MAP4K3: variants seen among roughly 807,000 people sequenced by gnomAD.
MAP4K3 encodes the protein mitogen-activated protein kinase kinase kinase kinase 3, also known as MAPK/ERK kinase kinase kinase 3.
In MAP4K3, 94 loss-of-function variants were observed where a neutral mutation model predicts 143.5. That is an observed-to-expected ratio of 0.65 (90% CI 0.55 to 0.78). The LOEUF (loss-of-function observed/expected upper bound fraction) is 0.78, where lower values mean the gene tolerates loss of function less well. Ranked by LOEUF, MAP4K3 falls within the 30% of genes least tolerant of loss-of-function variation. The pLI, the probability that MAP4K3 is intolerant of heterozygous loss-of-function variation, is 0.00. For missense variants in MAP4K3, 1,077 were observed against 1,068.1 expected (o/e 1.01, Z -0.12); for synonymous variants, 416 against 347.2 (o/e 1.20, Z -2.20).
chr2:39,398,063 C>T (rs1457257445), intron 1 of MAP4K3, among the ~76,000 whole-genome samples: 2 of 152,096 alleles, frequency 1.3e-5, no homozygotes, highest in African/African-American at 4.8e-5. Context: ...GATATATATA[C>T]AGGGAATCCA....
At chr2:39,416,934 C>G (rs1280106183) in intron 1 of MAP4K3, among the ~76,000 whole-genome samples, 1 of 152,136 alleles carries the variant, frequency 6.6e-6, no homozygotes, top group African/African-American at 2.4e-5. Flanking sequence ...CCTCTATTTT[C>G]ATTTGTAAAA....
At chr2:39,376,111 A>C (rs556514707) in intron 2 of MAP4K3, among the ~76,000 whole-genome samples, 1 of 152,222 alleles carries the variant, frequency 6.6e-6, no homozygotes, top group Non-Finnish European at 1.5e-5. Context: ...TATGTTTAAC[A>C]CTTTAAGGAA....
At chr2:39,411,675 C>G (rs1363196005) in intron 1 of MAP4K3, among the ~76,000 whole-genome samples, 1 of 152,148 alleles carries the variant, frequency 6.6e-6, no homozygotes, top group Non-Finnish European at 1.5e-5. Flanking sequence ...CTAAGTGCAT[C>G]AAGTATCTGT....
chr2:39,375,810 T>C (rs1666202366), intron 2 of MAP4K3, among the ~76,000 whole-genome samples: 1 of 152,214 alleles, frequency 6.6e-6, no homozygotes, highest in African/African-American at 2.4e-5. Context: ...GATTTGCCTT[T>C]TCTGAACCTT....
In MAP4K3 at chr2:39,260,782, A is replaced by C; in HGVS notation, c.2137-5T>G. The C allele has an allele frequency of 6.3e-7, 1 of 1,595,188 alleles. No individual in the cohort carries two copies. The highest frequency in any genetic ancestry group is 8.6e-7 in the Non-Finnish European group (1 of 1,167,374). ...TGGTATAGGAAAATCTATGTGCTAG[A>C]GAAAGAAACAAAAATACATTAAACC... On this transcript the variant is annotated splice_region_variant and splice_polypyrimidine_tract_variant and intron_variant, in intron 28 of 33. Transcript: ENST00000263881.
intron 1 of MAP4K3, among the ~76,000 whole-genome samples, chr2:39,406,743 A>AG (rs1193316776): frequency 6.6e-6 from 1 of 152,160 alleles, no homozygotes; most frequent in Non-Finnish European, 1.5e-5. Flanking sequence ...TACTTCAATC[A>AG]GAAAAAAAAA....
chr2:39,329,340 C>T (rs2148519087), intron 8 of MAP4K3, among the ~76,000 whole-genome samples: 1 of 152,292 alleles, frequency 6.6e-6, no homozygotes, highest in South Asian at 2.1e-4. Flanking sequence ...GAAATATATA[C>T]ACATACCATC....
chr2:39,407,639 TTGG>T (rs1450168217), intron 1 of MAP4K3, among the ~76,000 whole-genome samples: 3 of 152,312 alleles, frequency 2.0e-5, no homozygotes, highest in African/African-American at 7.2e-5. Context: ...TGGCATGACC[TTGG>T]ATCACTGCAG....
At position 39,260,675 on chromosome 2, in the gene MAP4K3, C is replaced by T. The variant is rs778823426; in HGVS notation, c.2239G>A (p.Asp747Asn). The T allele has an allele frequency of 6.2e-7, 1 of 1,614,044 alleles. No individual in the cohort carries two copies. The highest frequency in any genetic ancestry group is 8.5e-7 in the Non-Finnish European group (1 of 1,179,924). ...LVCVGVSRGR[D>N]FNQVVRFETV... is the part of the protein sequence containing the mutation. The stretch of plus-strand genomic sequence containing the variant: ...TCAAATCGAACCACTTGGTTGAAGT[C>T]TCTACCTCTACTGACACCAACACAA... Residue 747 changes from aspartate (D) to asparagine (N), a missense_variant, in exon 29 of 34, where the codon GAC becomes AAC. Physicochemically the swap from Asp to Asn is conservative, Grantham distance 23 (BLOSUM62 1). Around this residue, in one of 2 missense-constraint regions of MAP4K3, gnomAD observed 864 missense variants for 801.2 expected, o/e 1.08. Transcript: ENST00000263881.
intron 1 of MAP4K3, among the ~76,000 whole-genome samples, chr2:39,413,281 A>G (rs936135937): frequency 1.3e-5 from 2 of 151,922 alleles, no homozygotes; most frequent in Non-Finnish European, 2.9e-5. Flanking sequence ...TGAGAAAACT[A>G]TAGTCCTAAG....
intron 23 of MAP4K3, among the ~76,000 whole-genome samples, chr2:39,279,831 C>T (rs1681436991): frequency 6.6e-6 from 1 of 152,054 alleles, no homozygotes; most frequent in Non-Finnish European, 1.5e-5. Flanking sequence ...CATGTGCCTC[C>T]AGTCCTAGCT....
At chr2:39,359,199 C>T (rs1422838901) in intron 2 of MAP4K3, among the ~76,000 whole-genome samples, 1 of 152,168 alleles carries the variant, frequency 6.6e-6, no homozygotes, top group Non-Finnish European at 1.5e-5. Context: ...AACAAAGGGA[C>T]TACAGGCCCC....
chr2:39,286,763 C>T (rs1681794005), intron 21 of MAP4K3, 89 bp downstream of exon 21: 1 of 581,382 alleles, frequency 1.7e-6, no homozygotes. Flanking sequence ...TATACTAGTG[C>T]TATAGTGTCA....
At chr2:39,309,144 GA>G in intron 14 of MAP4K3, among the ~76,000 whole-genome samples, 1 of 151,914 alleles carries the variant, frequency 6.6e-6, no homozygotes, top group Non-Finnish European at 1.5e-5. Context: ...TGTTTTTAAA[GA>G]CAAGGTCTCA....
chr2:39,401,596 T>C (rs948334330), intron 1 of MAP4K3, among the ~76,000 whole-genome samples: 6 of 152,020 alleles, frequency 3.9e-5, no homozygotes, highest in Admixed American at 3.9e-4. Flanking sequence ...GCTGAGGAGT[T>C]TGAGACCAGC....
chr2:39,329,646 C>T (rs755262221), intron 8 of MAP4K3, among the ~76,000 whole-genome samples: 1 of 152,114 alleles, frequency 6.6e-6, no homozygotes, highest in Non-Finnish European at 1.5e-5. Flanking sequence ...ACTATTGCCC[C>T]CCAATTCCCA....
chr2:39,412,828 G>A (rs1039719604), intron 1 of MAP4K3, among the ~76,000 whole-genome samples: 9 of 151,754 alleles, frequency 5.9e-5, no homozygotes, highest in Admixed American at 2.0e-4. Context: ...TAAATTACAT[G>A]TCCAAGATTA....
chr2:39,325,102 C>G (rs1683444158), intron 12 of MAP4K3, among the ~76,000 whole-genome samples: 1 of 152,090 alleles, frequency 6.6e-6, no homozygotes, highest in African/African-American at 2.4e-5. Flanking sequence ...CAGACATGAG[C>G]CACCAGGCCA....
intron 2 of MAP4K3, among the ~76,000 whole-genome samples, chr2:39,372,807 T>C (rs774577450): frequency 2.1e-4 from 32 of 152,098 alleles, no homozygotes; most frequent in Non-Finnish European, 8.8e-5. Flanking sequence ...ATTAAAGACA[T>C]AAATCTAAGA....
Sources: gnomAD v4.1 joint callset for allele counts (sites outside exome capture counted in the v4.1 genomes callset) on GRCh38, gnomAD v4.1.1 for gene constraint, gnomAD v4.1.1 regional missense constraint, MANE v1.5 for transcripts, NCBI Gene and HGNC (gene_info 2026-07-23, HGNC 2026-07-21) for gene names.